The following DENND2B variants were observed in gnomAD, a reference collection of about 807,000 sequenced individuals.
DENND2B encodes the protein DENN domain containing 2B.
In DENND2B, 32 loss-of-function variants were observed where a neutral mutation model predicts 116.0. The observed-to-expected ratio is 0.28, with a 90% confidence interval of 0.21 to 0.37. DENND2B has a LOEUF of 0.37. Among genes scored for constraint, DENND2B ranks in the 10% least tolerant of loss-of-function variants. The pLI is 1.00. For synonymous variants in DENND2B, 588 were observed against 583.9 expected (o/e 1.01, Z -0.10); for missense variants, 1,276 against 1,477.7 (o/e 0.86, Z 2.24).
intron 3 of DENND2B, among the ~76,000 whole-genome samples, chr11:8,855,641 G>A (rs1180066300): frequency 6.6e-6 from 1 of 151,968 alleles, no homozygotes; most frequent in Non-Finnish European, 1.5e-5. Context: ...ACAGCACGCC[G>A]AGAAGGCTCT....
At chr11:8,893,887 GA>G (rs2064065465) in intron 1 of DENND2B, among the ~76,000 whole-genome samples, 1 of 151,946 alleles carries the variant, frequency 6.6e-6, no homozygotes, top group African/African-American at 2.4e-5. Flanking sequence ...CACAGAATTG[GA>G]AAAAACTACT....
chr11:8,783,821 C>T (rs1273661770), intron 1 of DENND2B, among the ~76,000 whole-genome samples: 1 of 152,012 alleles, frequency 6.6e-6, no homozygotes, highest in African/African-American at 2.4e-5. Context: ...AAAGCTCTAC[C>T]GAAACGAAGA....
chr11:8,774,532 GA>G lies in DENND2B; in HGVS notation c.-25-23808del, dbSNP rs568128395. Among the ~76,000 whole-genome samples, 13 of 152,276 alleles carry G rather than the reference GA, an allele frequency of 8.5e-5. No individual in the cohort carries two copies. In the East Asian group the frequency reaches 2.5e-3, roughly 29 times the overall value. On this transcript the variant is annotated intron_variant, in intron 1 of 19. Coordinates refer to ENST00000313726, the MANE Select transcript of DENND2B (RefSeq NM_213618.2). ...GAAGTGTGCTCTCAAAATCGCCACA[GA>G]AGATTCTTCCCCTTCAGTAGCACCA... is the stretch of plus-strand genomic sequence containing the variant.
intron 2 of DENND2B, among the ~76,000 whole-genome samples, chr11:8,869,844 A>T (rs2134705178): frequency 6.6e-6 from 1 of 152,206 alleles, no homozygotes; most frequent in African/African-American, 2.4e-5. Context: ...TCAGCAAGGG[A>T]GATAGGCTGT....
At chr11:8,709,603 T>C (rs895342493) in intron 11 of DENND2B, among the ~76,000 whole-genome samples, 2 of 152,130 alleles carry the variant, frequency 1.3e-5, no homozygotes, top group African/African-American at 4.8e-5. Flanking sequence ...ATGGGCATTC[T>C]ACCTCCCCAC....
In DENND2B at chr11:8,784,446, G is replaced by A. The variant is rs181510215; in HGVS notation, c.-26+26071C>T. 1.9e-3 allele frequency: 289 copies of A among 151,160 alleles called. 2 individuals are homozygous for A. The highest frequency in any genetic ancestry group is 9.2e-3 in the South Asian group (44 of 4,776). The allele number at this position is 151,160 out of a possible 1,614,324, so 9.4% of individuals were successfully genotyped here. On this transcript the variant is annotated intron_variant, in intron 1 of 19. Coordinates refer to ENST00000313726, the MANE Select transcript of DENND2B (RefSeq NM_213618.2). ...AGTAACAAAAAAAAAAAAAAAGGGT[G>A]TCAAAGGAGACAAAAGCAATGACAT...
chr11:8,702,688 C>T lies in DENND2B; in HGVS notation c.2604G>A (p.Arg868=), dbSNP rs143430586. ...GGCACTCAAAGTCCACGTGCTCCAG[C>T]CTTGAGTCCATGGGCCGCCGCAGCT... ...VLELRRPMDS[R]LEHVDFECLF... is the part of the protein sequence containing the mutation. The change falls in exon 14 of 20, where the codon AGG becomes AGA. Residue 868 remains arginine, a synonymous_variant. Coordinates refer to ENST00000313726, the MANE Select transcript of DENND2B (RefSeq NM_213618.2). This position sits in a 1 kb window ranked among gnomAD's most constrained non-coding sequence, Gnocchi z 4.6. The T allele has an allele frequency of 1.1e-4, 185 of 1,613,768 alleles. No individual in the cohort carries two copies. The highest frequency in any genetic ancestry group is 1.5e-4 in the Non-Finnish European group (179 of 1,180,036).
chr11:8,800,130 T>C (rs2060192226), intron 1 of DENND2B, among the ~76,000 whole-genome samples: 1 of 151,982 alleles, frequency 6.6e-6, no homozygotes, highest in Admixed American at 6.6e-5. Context: ...ATTTCATTTA[T>C]TTTGTAGAGA....
chr11:8,726,029 C>A (rs1186159521), intron 4 of DENND2B, 44 bp downstream of exon 4: 1 of 1,612,102 alleles, frequency 6.2e-7, no homozygotes, highest in Non-Finnish European at 8.5e-7. Flanking sequence ...TGTTCTTCTG[C>A]AGCCCCCTGA....
At chr11:8,877,843 T>C (rs2063860926) in intron 2 of DENND2B, among the ~76,000 whole-genome samples, 1 of 152,168 alleles carries the variant, frequency 6.6e-6, no homozygotes, top group Non-Finnish European at 1.5e-5. Flanking sequence ...TTATTAAACA[T>C]CACAAAACTA....
intron 1 of DENND2B, among the ~76,000 whole-genome samples, chr11:8,766,963 G>C (rs2055927871): frequency 6.7e-6 from 1 of 150,356 alleles, no homozygotes; most frequent in Admixed American, 6.6e-5. Context: ...GAAGGATGGT[G>C]GGGAGGCAGG....
intron 1 of DENND2B, among the ~76,000 whole-genome samples, chr11:8,758,776 C>T (rs1332076604): frequency 2.0e-5 from 3 of 152,200 alleles, no homozygotes; most frequent in South Asian, 2.1e-4. Flanking sequence ...GCCTCCTCAT[C>T]CATGGCCTCC....
chr11:8,784,509 CTG>C (rs1000927939), intron 1 of DENND2B: 7 of 151,856 alleles, frequency 4.6e-5, no homozygotes, highest in African/African-American at 1.7e-4. Context: ...ACCAGCAACT[CTG>C]TTTCTCTAGA....
At chr11:8,799,297 C>G (rs993188777) in intron 1 of DENND2B, among the ~76,000 whole-genome samples, 1 of 152,190 alleles carries the variant, frequency 6.6e-6, no homozygotes, top group Non-Finnish European at 1.5e-5. Flanking sequence ...TGCAGAGAGG[C>G]AGGGACTCGG....
intron 1 of DENND2B, among the ~76,000 whole-genome samples, chr11:8,770,422 CAT>C (rs2056651396): frequency 6.6e-6 from 1 of 152,148 alleles, no homozygotes; most frequent in Non-Finnish European, 1.5e-5. Context: ...GTCACTACTT[CAT>C]AGAGACATTA....
rs777844955 is a variant in DENND2B at position 8,730,792 on chromosome 11, C to A, written c.498G>T (p.Glu166Asp). ...GGCGACCTTCCCATGCTGATATCTT[C>A]TCCCGGATGCCCAGGCTGTGGGCGC... Reference protein sequence around the residue: ...GTRAHSLGIREKISAWEGRRE... With the variant: ...GTRAHSLGIRDKISAWEGRRE... Residue 166 changes from glutamate to aspartate, a missense_variant, in exon 3 of 20, where the codon GAG (glutamate) becomes GAT (aspartate). This residue lies in a region of DENND2B where 856 missense variants were observed against 846.6 expected (regional missense o/e 1.01). Coordinates refer to ENST00000313726, the MANE Select transcript of DENND2B (RefSeq NM_213618.2). The surrounding 1 kb of genome is among the most constrained non-coding windows in gnomAD (Gnocchi z 4.1). The A allele has an allele frequency of 6.2e-7, 1 of 1,613,104 alleles. No homozygotes were observed. Among genetic ancestry groups the A allele is most frequent in the Non-Finnish European group, 8.5e-7 (1 of 1,179,974 alleles).
In DENND2B at chr11:8,730,313, G is replaced by T; in HGVS notation, c.977C>A (p.Pro326Gln). ...AGCGCTCACACTCGCGCCCCCTGCC[G>T]GCTCCTCCAAGGAGCCCAAGGTTCC... ...KTGTLGSLEE[P>Q]AGGASVSAGS... Residue 326 changes from proline (P) to glutamine (Q), a missense_variant, in exon 3 of 20, where the codon CCG becomes CAG. This residue lies in a region of DENND2B where 856 missense variants were observed against 846.6 expected (regional missense o/e 1.01). Coordinates refer to ENST00000313726, the MANE Select transcript of DENND2B (RefSeq NM_213618.2). The surrounding 1 kb of genome is among the most constrained non-coding windows in gnomAD (Gnocchi z 4.1). 1 of 1,602,202 alleles carries T rather than the reference G, an allele frequency of 6.2e-7. No homozygotes were observed. The highest frequency in any genetic ancestry group is 1.1e-5 in the South Asian group (1 of 90,434).
chr11:8,743,585 G>A (rs1206359238), intron 2 of DENND2B, among the ~76,000 whole-genome samples: 2 of 151,844 alleles, frequency 1.3e-5, no homozygotes, highest in South Asian at 4.2e-4. Flanking sequence ...TACTTAAAGT[G>A]TTGCCTCATA....
Position 8,702,990 on chromosome 11 carries a change from G to A in DENND2B, c.2572-270C>T. On this transcript the variant is annotated intron_variant, in intron 13 of 19. Transcript: ENST00000313726. This position sits in a 1 kb window ranked among gnomAD's most constrained non-coding sequence, Gnocchi z 4.6. ...GAAGGAGTTGAGGGGCCATCCATCG[G>A]GACCTCAGGAAGAGAGGAGAGCTGA... 1 of 455,526 alleles carries A rather than the reference G, an allele frequency of 2.2e-6. No individual in the cohort carries two copies. The highest frequency in any genetic ancestry group is 4.0e-6 in the Non-Finnish European group (1 of 251,036). 28.2% of individuals were successfully genotyped at this position (455,526 alleles called of 1,614,324 possible).
Sources: allele counts gnomAD v4.1 joint callset (sites outside exome capture counted in the v4.1 genomes callset), GRCh38; gene constraint gnomAD v4.1.1; regional missense constraint gnomAD v4.1.1; non-coding constraint Gnocchi (gnomAD v3.1); transcripts MANE v1.5; gene names NCBI Gene and HGNC (gene_info 2026-07-23, HGNC 2026-07-21).